GASK1B: variants seen among roughly 807,000 people sequenced by gnomAD.
The protein encoded by GASK1B is golgi associated kinase 1B, also known as Golgi-associated kinase 1B.
A neutral mutation model predicts 42.8 loss-of-function variants in GASK1B; 34 were observed. The observed-to-expected ratio is 0.79, with a 90% CI of 0.60 to 1.06. GASK1B has a LOEUF of 1.06. Ranked by LOEUF, GASK1B falls within the 50% of genes least tolerant of loss-of-function variation. GASK1B has a pLI of 0.00. For synonymous variants in GASK1B, 262 were observed against 259.1 expected, an observed-to-expected ratio of 1.01 and a Z score of -0.11; for missense variants, 686 against 661.0, an observed-to-expected ratio of 1.04 and a Z score of -0.42.
At chr4:158,141,125 G>A (rs979424427) in intron 3 of GASK1B, among the ~76,000 whole-genome samples, 1 of 152,064 alleles carries the variant, frequency 6.6e-6, no homozygotes, top group Non-Finnish European at 1.5e-5. Flanking sequence ...GAAAAACAAC[G>A]CCAGCAATCT....
intron 3 of GASK1B, among the ~76,000 whole-genome samples, chr4:158,145,648 T>G (rs745865103): frequency 1.3e-5 from 2 of 152,192 alleles, no homozygotes; most frequent in Non-Finnish European, 2.9e-5. Context: ...TTCTATAAAA[T>G]ATTACTTTTA....
chr4:158,133,656 T>C (rs1384392380), intron 3 of GASK1B, among the ~76,000 whole-genome samples: 1 of 152,248 alleles, frequency 6.6e-6, no homozygotes, highest in Non-Finnish European at 1.5e-5. Flanking sequence ...GTCATCTTTT[T>C]ATTGCCTTAC....
In GASK1B at chr4:158,140,547, C is replaced by A. The variant is rs139329549; in HGVS notation, c.1126-9535G>T. 4.9e-3 allele frequency among the ~76,000 whole-genome samples: 746 copies of A among 152,238 alleles called. 8 individuals carry two copies. Among genetic ancestry groups the A allele is most frequent in the African/African-American group, 0.017 (704 of 41,536 alleles). ...AGATGTTCCTATGAAAACACTATCA[C>A]GTTCATTTTTCCAAAACTGTTATAT... On this transcript the variant is annotated intron_variant, in intron 3 of 4. Coordinates refer to ENST00000585682, the MANE Select transcript of GASK1B (RefSeq NM_001128424.2).
chr4:158,136,347 C>T (rs1010009866), intron 3 of GASK1B, among the ~76,000 whole-genome samples: 3 of 151,760 alleles, frequency 2.0e-5, no homozygotes, highest in Non-Finnish European at 4.4e-5. Context: ...CATAGCAGGA[C>T]CCCCAGAAAA....
rs1553958620 is a variant in GASK1B at position 158,141,597 on chromosome 4, C to CATTTTTTTTTTT, written c.1126-10586_1126-10585insAAAAAAAAAAAT. Among the ~76,000 whole-genome samples the CATTTTTTTTTTT allele has an allele frequency of 1.6e-4, 18 of 113,694 alleles. 9 individuals carry two copies. Among genetic ancestry groups the CATTTTTTTTTTT allele is most frequent in the Non-Finnish European group, 1.1e-4 (6 of 57,142 alleles). The allele number at this position is 113,694 out of a possible 152,430, so 74.6% of individuals were successfully genotyped here. Reference sequence around the variant, plus strand: ...CATAGGTCAGTGCCTTTGTATTTACCTTTTTTTTTTTTTTTTTTTTTTTTT... The same window carrying CATTTTTTTTTTT: ...CATAGGTCAGTGCCTTTGTATTTACCATTTTTTTTTTTTTTTTTTTTTTTTTTTTTTTTTTTT... On this transcript the variant is annotated intron_variant, in intron 3 of 4. Coordinates refer to ENST00000585682, the MANE Select transcript of GASK1B (RefSeq NM_001128424.2).
rs1199659423 is a variant in GASK1B, at chr4:158,127,178, T to C, written c.*229A>G. On this transcript the variant is annotated 3_prime_UTR_variant, in exon 5 of 5. Coordinates refer to ENST00000585682, the MANE Select transcript of GASK1B (RefSeq NM_001128424.2). ...GTTCAGACTGACACATAGCATGATG[T>C]TAGAGAAAAATATAAACAAATATTT... is the stretch of plus-strand genomic sequence containing the variant. 16 of 370,696 alleles carry C rather than the reference T, an allele frequency of 4.3e-5. No homozygotes were observed. The East Asian group carries it at 6.0e-4, about 14-fold the overall frequency. The allele number at this position is 370,696 out of a possible 1,614,324, so 23.0% of individuals were successfully genotyped here. A position where few individuals can be genotyped will look rare whatever the true frequency, so the allele number is the denominator to read the frequency against.
intron 2 of GASK1B, chr4:158,170,160 T>C (rs1732412108): frequency 2.8e-6 from 4 of 1,451,776 alleles, no homozygotes; most frequent in East Asian, 2.3e-5. Flanking sequence ...ATCATGCAAA[T>C]TGCCGTTGGC....
At chr4:158,136,295 G>A (rs1730887602) in intron 3 of GASK1B, among the ~76,000 whole-genome samples, 1 of 152,098 alleles carries the variant, frequency 6.6e-6, no homozygotes, top group Admixed American at 6.5e-5. Context: ...GCTGAGACAG[G>A]AGAATTGCTT....
intron 2 of GASK1B, chr4:158,168,759 A>G (rs1732329805): frequency 1.3e-5 from 2 of 152,140 alleles, no homozygotes; most frequent in South Asian, 4.1e-4. Context: ...CTCAAAGGAC[A>G]TATCAGAGAA....
rs1201345667 is a variant in GASK1B, at chr4:158,131,011, A to G, written c.1127T>C (p.Ile376Thr). 2 of 1,610,888 alleles carry G rather than the reference A, an allele frequency of 1.2e-6. No homozygotes were observed. The highest frequency in any genetic ancestry group is 1.1e-5 in the South Asian group (1 of 90,140). ...KMALFDFLLQ[I>T]YNRLDTNCCG... ...GCAATTTGTATCTAAGCGATTATAAATCTGTAAATGGAAAACACAAAATCC... is the reference window on the plus strand; with the variant it reads ...GCAATTTGTATCTAAGCGATTATAAGTCTGTAAATGGAAAACACAAAATCC... Residue 376 changes from isoleucine to threonine, a missense_variant and splice_region_variant, in exon 4 of 5, where the codon ATT (isoleucine) becomes ACT (threonine). By Grantham distance (89) the Ile-to-Thr change is moderately conservative. Transcript: ENST00000585682.
chr4:158,172,416 T>C (rs1308342515), intron 1 of GASK1B: 2 of 152,186 alleles, frequency 1.3e-5, no homozygotes, highest in African/African-American at 4.8e-5. Flanking sequence ...GGCTGAGGCA[T>C]GTAAGTAGAA....
rs1162546802 is a variant in GASK1B at position 158,127,430 on chromosome 4, T to G, written c.1537A>C (p.Lys513Gln). 6.2e-7 allele frequency: 1 copy of G among 1,613,482 alleles called. No homozygotes were observed. Among genetic ancestry groups the G allele is most frequent in the Admixed American group, 1.7e-5 (1 of 59,986 alleles). The change falls in exon 5 of 5, where the codon AAA (lysine) becomes CAA (glutamine). Residue 513 changes from lysine to glutamine, a missense_variant. Lys to Gln is a moderately conservative substitution (Grantham distance 53, BLOSUM62 1). Transcript: ENST00000585682. ...LITYINAHGV[K>Q]VLPMNE ...TGTCATTCATTCATAGGTAATACTT[T>G]GACCCCGTGTGCATTGATATAGGTG...
chr4:158,128,757 C>T (rs1236939961), intron 4 of GASK1B, among the ~76,000 whole-genome samples: 1 of 152,152 alleles, frequency 6.6e-6, no homozygotes, highest in African/African-American at 2.4e-5. Context: ...GCCACGGCGC[C>T]GGACTTGCTT....
At chr4:158,152,976 C>T (rs1731614652) in intron 3 of GASK1B, among the ~76,000 whole-genome samples, 1 of 152,138 alleles carries the variant, frequency 6.6e-6, no homozygotes. Context: ...TTCTATTCAA[C>T]ATAATACTGG....
At chr4:158,146,518 T>TA (rs1370331344) in intron 3 of GASK1B, among the ~76,000 whole-genome samples, 1 of 152,186 alleles carries the variant, frequency 6.6e-6, no homozygotes, top group African/African-American at 2.4e-5. Flanking sequence ...TTTATGTATA[T>TA]AAAAATATTT....
intron 2 of GASK1B, among the ~76,000 whole-genome samples, chr4:158,159,905 C>T (rs1463103655): frequency 1.3e-5 from 2 of 152,136 alleles, no homozygotes; most frequent in African/African-American, 2.4e-5. Context: ...ACTTTGAGCA[C>T]TGGCTGAGCG....
At chr4:158,154,369 G>T (rs1731677524) in intron 3 of GASK1B, among the ~76,000 whole-genome samples, 1 of 152,064 alleles carries the variant, frequency 6.6e-6, no homozygotes, top group Admixed American at 6.6e-5. Context: ...ACAGATGTTG[G>T]CGTGGATGTG....
intron 1 of GASK1B, chr4:158,172,639 A>G (rs1732605594): frequency 6.6e-6 from 1 of 152,352 alleles, no homozygotes; most frequent in East Asian, 1.9e-4. Flanking sequence ...TTTTCATTCA[A>G]ATAAATTTCC....
At chr4:158,137,489 C>T (rs1419536956) in intron 3 of GASK1B, among the ~76,000 whole-genome samples, 2 of 152,292 alleles carry the variant, frequency 1.3e-5, no homozygotes, top group East Asian at 3.9e-4. Context: ...CAGCTAATAA[C>T]TTACACTGGA....
Sources: allele counts gnomAD v4.1 joint callset (sites outside exome capture counted in the v4.1 genomes callset), GRCh38; gene constraint gnomAD v4.1.1; transcripts MANE v1.5; gene names NCBI Gene and HGNC (gene_info 2026-07-23, HGNC 2026-07-21).